The following LMX1A variants were observed in gnomAD, a reference collection of about 807,000 sequenced individuals.
The protein encoded by LMX1A is LIM homeobox transcription factor 1-alpha.
A neutral mutation model predicts 49.1 loss-of-function variants in LMX1A; 15 were observed. That is an observed-to-expected ratio of 0.31 (90% confidence interval 0.20 to 0.47). The LOEUF is 0.47. Ranked by LOEUF, LMX1A falls within the 20% of genes least tolerant of loss-of-function variation. LMX1A has a pLI of 1.00. For missense variants in LMX1A, 372 were observed against 475.8 expected (o/e 0.78, Z 2.03); for synonymous variants, 167 against 185.7 (o/e 0.90, Z 0.82).
At chr1:165,334,060 T>C (rs543299802) in intron 3 of LMX1A, among the ~76,000 whole-genome samples, 4 of 152,216 alleles carry the variant, frequency 2.6e-5, no homozygotes, top group African/African-American at 9.6e-5. Flanking sequence ...GGCAAAGACA[T>C]AGGTGAAGGG....
intron 3 of LMX1A, among the ~76,000 whole-genome samples, chr1:165,342,933 C>T (rs544369932): frequency 3.9e-4 from 59 of 152,118 alleles, no homozygotes; most frequent in African/African-American, 1.2e-3. Flanking sequence ...TCCCCAACAG[C>T]GTGACCTTGG....
At position 165,203,733 on chromosome 1, in the gene LMX1A, A is replaced by T; in HGVS notation, c.*147T>A. The T allele has an allele frequency of 1.6e-6, 1 of 633,050 alleles. No homozygotes were observed. Among genetic ancestry groups the T allele is most frequent in the East Asian group, 2.7e-5 (1 of 37,712 alleles). The allele number at this position is 633,050 out of a possible 1,614,324, so 39.2% of individuals were successfully genotyped here. A position where few individuals can be genotyped will look rare whatever the true frequency, so the allele number is the denominator to read the frequency against. The stretch of plus-strand genomic sequence containing the variant: ...ATTCAGTCTTTGGAAATGCTGAGCT[A>T]CACCATATCATTATACAACAGCATC... On this transcript the variant is annotated 3_prime_UTR_variant, in exon 9 of 9. Coordinates refer to ENST00000342310, the MANE Select transcript of LMX1A (RefSeq NM_177398.4).
chr1:165,299,185 G>A (rs912613531), intron 3 of LMX1A, among the ~76,000 whole-genome samples: 6 of 152,208 alleles, frequency 3.9e-5, no homozygotes, highest in African/African-American at 1.4e-4. Flanking sequence ...CAAGAATGCT[G>A]TAATGGACAT....
chr1:165,285,904 G>A (rs1360869469), intron 3 of LMX1A, among the ~76,000 whole-genome samples: 2 of 152,182 alleles, frequency 1.3e-5, no homozygotes, highest in Non-Finnish European at 2.9e-5. Flanking sequence ...GCTCCCTGGT[G>A]TTGATCAGAG....
At chr1:165,204,835 G>C (rs1450632486) in intron 8 of LMX1A, among the ~76,000 whole-genome samples, 1 of 152,176 alleles carries the variant, frequency 6.6e-6, no homozygotes, top group East Asian at 1.9e-4. Flanking sequence ...AGTAAAGAAT[G>C]GTACAGATGT....
intron 3 of LMX1A, among the ~76,000 whole-genome samples, chr1:165,297,188 T>G (rs1361813661): frequency 6.6e-6 from 1 of 152,224 alleles, no homozygotes; most frequent in Non-Finnish European, 1.5e-5. Context: ...CCTTCCCACT[T>G]CTGCCCTTGT....
intron 4 of LMX1A, among the ~76,000 whole-genome samples, chr1:165,222,684 A>T (rs1479409385): frequency 6.6e-6 from 1 of 152,218 alleles, no homozygotes; most frequent in Non-Finnish European, 1.5e-5. Flanking sequence ...GGTTTTAAAC[A>T]TAGAGAGAAG....
At chr1:165,251,217 G>T (rs1338115836) in intron 3 of LMX1A, among the ~76,000 whole-genome samples, 2 of 151,964 alleles carry the variant, frequency 1.3e-5, no homozygotes. Flanking sequence ...TGAGTAGCTG[G>T]GATTAAAGGT....
intron 3 of LMX1A, among the ~76,000 whole-genome samples, chr1:165,251,006 G>A (rs1158186726): frequency 6.7e-6 from 1 of 148,212 alleles, no homozygotes; most frequent in African/African-American, 2.4e-5. Flanking sequence ...AAAGGTGACA[G>A]GTGAGGTTAA....
intron 4 of LMX1A, among the ~76,000 whole-genome samples, chr1:165,239,559 A>G (rs1188407244): frequency 6.6e-6 from 1 of 152,220 alleles, no homozygotes; most frequent in Non-Finnish European, 1.5e-5. Flanking sequence ...TCAAACTAAG[A>G]GCAACAAACA....
chr1:165,326,487 A>G (rs1655584414), intron 3 of LMX1A, among the ~76,000 whole-genome samples: 1 of 152,244 alleles, frequency 6.6e-6, no homozygotes, highest in Non-Finnish European at 1.5e-5. Context: ...CAATGGTATT[A>G]AACAAGTGGG....
chr1:165,331,350 A>G (rs1376513292), intron 3 of LMX1A, among the ~76,000 whole-genome samples: 1 of 152,240 alleles, frequency 6.6e-6, no homozygotes, highest in African/African-American at 2.4e-5. Flanking sequence ...GCAATGATGG[A>G]AAAGATCTGT....
intron 3 of LMX1A, among the ~76,000 whole-genome samples, chr1:165,317,844 C>A (rs1484599540): frequency 1.3e-5 from 2 of 152,226 alleles, no homozygotes; most frequent in African/African-American, 2.4e-5. Context: ...GTAATTCATT[C>A]CCTGGCAACC....
At chr1:165,351,994 G>A (rs996994607) in intron 3 of LMX1A, among the ~76,000 whole-genome samples, 2 of 152,204 alleles carry the variant, frequency 1.3e-5, no homozygotes, top group African/African-American at 2.4e-5. Flanking sequence ...GCACGCGCGC[G>A]TCCACACAGT....
At chr1:165,276,039 C>G (rs537666982) in intron 3 of LMX1A, among the ~76,000 whole-genome samples, 120 of 151,996 alleles carry the variant, frequency 7.9e-4, no homozygotes, top group African/African-American at 2.5e-3. Context: ...GCACACACCC[C>G]ACCCGAGAGG....
intron 4 of LMX1A, among the ~76,000 whole-genome samples, chr1:165,245,773 A>T (rs1047826310): frequency 6.6e-6 from 1 of 152,104 alleles, no homozygotes; most frequent in African/African-American, 2.4e-5. Context: ...GCACTATTTC[A>T]TACAATTACA....
At chr1:165,265,109 C>A (rs1297195382) in intron 3 of LMX1A, among the ~76,000 whole-genome samples, 2 of 150,476 alleles carry the variant, frequency 1.3e-5, no homozygotes, top group Non-Finnish European at 2.9e-5. Context: ...GAGGCTGAGG[C>A]AGGAGAATGG....
chr1:165,262,473 C>T (rs1653472435), intron 3 of LMX1A, among the ~76,000 whole-genome samples: 1 of 152,162 alleles, frequency 6.6e-6, no homozygotes, highest in Admixed American at 6.5e-5. Flanking sequence ...TCTGGACTCC[C>T]TCTTCGTGAG....
intron 3 of LMX1A, among the ~76,000 whole-genome samples, chr1:165,317,289 G>A (rs1450766740): frequency 6.6e-6 from 1 of 152,114 alleles, no homozygotes; most frequent in African/African-American, 2.4e-5. Context: ...ATGCTCCAAT[G>A]ATTCCAACTA....
Sources: gnomAD v4.1 joint callset for allele counts (sites outside exome capture counted in the v4.1 genomes callset) on GRCh38, gnomAD v4.1.1 for gene constraint, MANE v1.5 for transcripts, NCBI Gene and HGNC (gene_info 2026-07-23, HGNC 2026-07-21) for gene names.